Variants in SFSWAP observed in about 807,000 individuals in gnomAD.
SFSWAP encodes the protein splicing factor SWAP, also known as splicing factor, suppressor of white-apricot homolog.
A neutral mutation model predicts 100.7 loss-of-function variants in SFSWAP; 17 were observed. That is an observed-to-expected ratio of 0.17 (90% confidence interval 0.12 to 0.25). The LOEUF (loss-of-function observed/expected upper bound fraction) is 0.25. Ranked by LOEUF, SFSWAP falls within the 10% of genes least tolerant of loss-of-function variation. The pLI is 1.00. For missense variants in SFSWAP, 1,005 were observed against 1,262.6 expected (o/e 0.80, Z 3.09); for synonymous variants, 504 against 510.1 (o/e 0.99, Z 0.16).
At chr12:131,749,318 G>A (rs907345996) in intron 7 of SFSWAP, among the ~76,000 whole-genome samples, 3 of 152,210 alleles carry the variant, frequency 2.0e-5, no homozygotes, top group African/African-American at 7.2e-5. Flanking sequence ...GACAGCAGGA[G>A]CCCCTTGGCA....
intron 3 of SFSWAP, among the ~76,000 whole-genome samples, chr12:131,718,730 G>A (rs1369778515): frequency 6.6e-6 from 1 of 152,196 alleles, no homozygotes; most frequent in Non-Finnish European, 1.5e-5. Context: ...GAAATAGTTG[G>A]AGAGAAATCT....
intron 7 of SFSWAP, among the ~76,000 whole-genome samples, chr12:131,746,895 G>C (rs889649192): frequency 6.6e-5 from 10 of 152,248 alleles, no homozygotes; most frequent in African/African-American, 2.4e-4. Flanking sequence ...ATGAGGTCAG[G>C]AGATCGAGAC....
rs141213548 is a variant in SFSWAP at position 131,742,189 on chromosome 12, G to A, written c.1082-10934G>A. Among the ~76,000 whole-genome samples, 9 of 152,238 alleles carry A rather than the reference G, an allele frequency of 5.9e-5. No homozygotes were observed. In the East Asian group the frequency reaches 7.7e-4, roughly 13 times the overall value. ...GCAGGGCCCCAGGTCCACAAGCCCC[G>A]TTCTCCTCACTGTCAGGATCCCCAC... On this transcript the variant is annotated intron_variant, in intron 7 of 17. Transcript: ENST00000261674.
chr12:131,713,292 T>G (rs1877560023), intron 1 of SFSWAP: 1 of 152,218 alleles, frequency 6.6e-6, no homozygotes, highest in Non-Finnish European at 1.5e-5. Flanking sequence ...AGTGCTCCCA[T>G]TACTTATTTG....
chr12:131,761,582 C>T (rs1031912591), intron 11 of SFSWAP, among the ~76,000 whole-genome samples: 6 of 152,148 alleles, frequency 3.9e-5, no homozygotes, highest in South Asian at 2.1e-4. Flanking sequence ...GCAGTGGCCC[C>T]GATCACTCAG....
chr12:131,729,563 ATT>A (rs977458788), intron 7 of SFSWAP, among the ~76,000 whole-genome samples: 2 of 152,178 alleles, frequency 1.3e-5, no homozygotes, highest in African/African-American at 4.8e-5. Flanking sequence ...GAGAAATTAC[ATT>A]TCTTTTTCTC....
intron 13 of SFSWAP, among the ~76,000 whole-genome samples, chr12:131,773,575 C>T (rs1593174414): frequency 2.6e-5 from 4 of 152,264 alleles, no homozygotes; most frequent in Admixed American, 2.6e-4. Context: ...AACTCCTGGC[C>T]TCAAGCAGTT....
At chr12:131,715,008 C>T (rs1390909804) in intron 3 of SFSWAP, 55 bp downstream of exon 3, 1 of 1,590,510 alleles carries the variant, frequency 6.3e-7, no homozygotes, top group African/African-American at 1.3e-5. Context: ...TACGCACAGG[C>T]TGCATGCACC....
chr12:131,791,028 T>C (rs1354202175), intron 15 of SFSWAP, among the ~76,000 whole-genome samples: 1 of 152,216 alleles, frequency 6.6e-6, no homozygotes, highest in Non-Finnish European at 1.5e-5. Context: ...TAAAACCATC[T>C]GTAAAATAAT....
chr12:131,711,510 T>C lies in SFSWAP; in HGVS notation c.218+63T>C. 7.3e-7 allele frequency: 1 copy of C among 1,368,072 alleles called. No homozygotes were observed. Among genetic ancestry groups the C allele is most frequent in the Non-Finnish European group, 1.0e-6 (1 of 968,346 alleles). The allele number at this position is 1,368,072 out of a possible 1,614,324, so 84.7% of individuals were successfully genotyped here. On this transcript the variant is annotated intron_variant, in intron 1 of 17. Transcript: ENST00000261674. The surrounding 1 kb of genome is among the most constrained non-coding windows in gnomAD (Gnocchi z 4.9). ...CTCACCCGCTTGATCTCGTCTGATG[T>C]TGACTTGACTGCAAGGACTGCAGAG... is the stretch of plus-strand genomic sequence containing the variant.
rs1419439085 is a variant in SFSWAP, at chr12:131,734,984, C to T, written c.1081+6556C>T. Among the ~76,000 whole-genome samples the T allele has an allele frequency of 6.6e-6, 1 of 152,128 alleles. No individual in the cohort carries two copies. Among genetic ancestry groups the T allele is most frequent in the South Asian group, 2.1e-4 (1 of 4,826 alleles). The stretch of plus-strand genomic sequence containing the variant: ...CGGAAGCGACTGTCCGTGAAGGTGA[C>T]GCTCATACCGTAACCTTAGCAGCAG... On this transcript the variant is annotated intron_variant, in intron 7 of 17. Coordinates refer to ENST00000261674, the MANE Select transcript of SFSWAP (RefSeq NM_004592.4). This position sits in a 1 kb window ranked among gnomAD's most constrained non-coding sequence, Gnocchi z 4.9.
chr12:131,797,068 T>G, intron 15 of SFSWAP, 110 bp from the exon 16 acceptor site: 1 of 891,586 alleles, frequency 1.1e-6, no homozygotes, highest in South Asian at 1.6e-5. Context: ...CGTCCCTGAA[T>G]TGTGCCTTGA....
Position 131,711,130 on chromosome 12 carries a change from C to A in SFSWAP, c.-100C>A, listed in dbSNP as rs913455070. ...ATGGCGGCGGTGTTGAGGTTGGGTA[C>A]GGGATGCGGGGTCTTTGACTGAAGG... On this transcript the variant is annotated 5_prime_UTR_variant, in exon 1 of 18. Transcript: ENST00000261674. The surrounding 1 kb of genome is among the most constrained non-coding windows in gnomAD (Gnocchi z 4.9). 6.3e-5 allele frequency: 62 copies of A among 986,168 alleles called. No homozygotes were observed. Among genetic ancestry groups the A allele is most frequent in the East Asian group, 5.1e-4 (19 of 37,466 alleles). The allele number at this position is 986,168 out of a possible 1,614,324, so 61.1% of individuals were successfully genotyped here. A position where few individuals can be genotyped will look rare whatever the true frequency, so the allele number is the denominator to read the frequency against.
chr12:131,789,811 G>A lies in SFSWAP; in HGVS notation c.2534+3223G>A, dbSNP rs149968657. 4.5e-4 allele frequency among the ~76,000 whole-genome samples: 68 copies of A among 152,330 alleles called. No homozygotes were observed. In the East Asian group the frequency reaches 0.011, roughly 25 times the overall value. On this transcript the variant is annotated intron_variant, in intron 15 of 17. Coordinates refer to ENST00000261674, the MANE Select transcript of SFSWAP (RefSeq NM_004592.4). The stretch of plus-strand genomic sequence containing the variant: ...GGGCAAATGTTTTGGCTGCGTAGGC[G>A]ACATTGCGTAGCTTCCCATTGCATC...
chr12:131,777,411 G>GT (rs1160075878), intron 13 of SFSWAP, among the ~76,000 whole-genome samples: 7 of 152,070 alleles, frequency 4.6e-5, no homozygotes, highest in Non-Finnish European at 7.3e-5. Flanking sequence ...TTTGTCCTTG[G>GT]TGATAGTTTG....
intron 7 of SFSWAP, among the ~76,000 whole-genome samples, chr12:131,737,252 G>A (rs1043099980): frequency 3.3e-5 from 5 of 152,156 alleles, no homozygotes; most frequent in East Asian, 1.9e-4. Context: ...GTCTGTTCAC[G>A]TCAGAAGGGG....
rs192580924 is a variant in SFSWAP, at chr12:131,717,242, C to T, written c.521-2212C>T. 1.1e-3 allele frequency among the ~76,000 whole-genome samples: 162 copies of T among 152,232 alleles called. 1 individual carries two copies. Among genetic ancestry groups the T allele is most frequent in the African/African-American group, 3.7e-3 (155 of 41,534 alleles). The stretch of plus-strand genomic sequence containing the variant: ...ACGTATGTCTTGATTTTCAAAATTA[C>T]TGTATTGTATTGTTTGTTAGTATTT... On this transcript the variant is annotated intron_variant, in intron 3 of 17. Transcript: ENST00000261674.
chr12:131,718,429 T>C (rs1398274588), intron 3 of SFSWAP, among the ~76,000 whole-genome samples: 1 of 152,224 alleles, frequency 6.6e-6, no homozygotes, highest in Non-Finnish European at 1.5e-5. Context: ...CATTTCAGTG[T>C]GTCTTTTTAA....
intron 9 of SFSWAP, 126 bp downstream of exon 9, chr12:131,754,625 G>GTTT (rs1881981814): frequency 1.1e-4 from 14 of 133,244 alleles, no homozygotes; most frequent in South Asian, 1.7e-4. Flanking sequence ...TGGCTCAAAT[G>GTTT]TCTTTTTTTT....
Sources: allele counts gnomAD v4.1 joint callset (sites outside exome capture counted in the v4.1 genomes callset), GRCh38; gene constraint gnomAD v4.1.1; non-coding constraint Gnocchi (gnomAD v3.1); transcripts MANE v1.5; gene names NCBI Gene and HGNC (gene_info 2026-07-23, HGNC 2026-07-21).